Variants in ATL2 observed in about 807,000 individuals in gnomAD.
ATL2 encodes the protein atlastin GTPase 2, also known as atlastin-2.
ATL2 carries 31 observed loss-of-function variants against 73.9 expected under a neutral mutation model. That is an observed-to-expected ratio of 0.42 (90% CI 0.32 to 0.57). The LOEUF (loss-of-function observed/expected upper bound fraction) is 0.57, where lower values mean the gene tolerates loss of function less well. Ranked by LOEUF, ATL2 falls within the 20% of genes least tolerant of loss-of-function variation. ATL2 has a pLI of 0.14. For missense variants in ATL2, 738 were observed against 702.6 expected (o/e 1.05, Z -0.57); for synonymous variants, 291 against 237.5 (o/e 1.23, Z -2.07).
intron 2 of ATL2, among the ~76,000 whole-genome samples, chr2:38,334,771 A>G (rs1669207037): frequency 6.7e-6 from 1 of 148,802 alleles, no homozygotes; most frequent in Non-Finnish European, 1.5e-5. Context: ...AATAATATAA[A>G]ATTCAAATTA....
intron 1 of ATL2, chr2:38,354,186 A>G (rs1008000838): frequency 6.9e-6 from 3 of 435,384 alleles, no homozygotes; most frequent in Non-Finnish European, 1.4e-5. Flanking sequence ...CTCTGTCTCA[A>G]AAAAAAGCAA....
chr2:38,334,903 T>TTATAATATATAAATATATTTATA (rs1558423042), intron 2 of ATL2, among the ~76,000 whole-genome samples: 2 of 106,910 alleles, frequency 1.9e-5, no homozygotes, highest in African/African-American at 9.8e-5. Context: ...TATATATTAT[T>TTATAATATATAAATATATTTATA]TATAATATAT....
chr2:38,369,237 G>T (rs569360521), intron 1 of ATL2, among the ~76,000 whole-genome samples: 26 of 151,688 alleles, frequency 1.7e-4, no homozygotes, highest in African/African-American at 6.0e-4. Context: ...ATCACCTGAG[G>T]TCAGGAGTTC....
intron 10 of ATL2, among the ~76,000 whole-genome samples, chr2:38,299,550 T>C (rs1667078411): frequency 1.3e-5 from 2 of 152,160 alleles, no homozygotes; most frequent in African/African-American, 4.8e-5. Flanking sequence ...AGGTTGATGT[T>C]AAAGTGTGTC....
chr2:38,298,513 G>A lies in ATL2; in HGVS notation c.1263C>T (p.Leu421=). The A allele has an allele frequency of 1.9e-6, 3 of 1,614,166 alleles. No homozygotes were observed. The highest frequency in any genetic ancestry group is 2.5e-6 in the Non-Finnish European group (3 of 1,180,000). ...PSDLERKHLD[L]KEVAIKQFRS... ...GAAATTGTTTTATCGCCACTTCCTTGAGATCCAAGTGTTTTCGCTCCAGAT... is the reference window on the plus strand; with the variant it reads ...GAAATTGTTTTATCGCCACTTCCTTAAGATCCAAGTGTTTTCGCTCCAGAT... Residue 421 remains leucine, a synonymous_variant, in exon 12 of 13, where the codon CTC becomes CTT. Transcript: ENST00000378954.
chr2:38,345,939 C>T lies in ATL2; in HGVS notation c.119-2427G>A, dbSNP rs537822559. Reference sequence around the variant, plus strand: ...TCAATGAGTTGAAATATGTATGCTACGCAGTAAGCACCATAGGTGTAAGTT... The same window carrying T: ...TCAATGAGTTGAAATATGTATGCTATGCAGTAAGCACCATAGGTGTAAGTT... On this transcript the variant is annotated intron_variant, in intron 1 of 12. Coordinates refer to ENST00000378954, the MANE Select transcript of ATL2 (RefSeq NM_001135673.4). Among the ~76,000 whole-genome samples, 7 of 152,300 alleles carry T rather than the reference C, an allele frequency of 4.6e-5. No individual in the cohort carries two copies. In the South Asian group the frequency reaches 8.3e-4, roughly 18 times the overall value.
chr2:38,353,865 T>C (rs561145507), intron 1 of ATL2, among the ~76,000 whole-genome samples: 1 of 152,254 alleles, frequency 6.6e-6, no homozygotes, highest in East Asian at 1.9e-4. Flanking sequence ...AGTGAAACGA[T>C]CATTCAAAAA....
chr2:38,356,127 G>C (rs1349670308), intron 1 of ATL2, among the ~76,000 whole-genome samples: 1 of 151,904 alleles, frequency 6.6e-6, no homozygotes, highest in Non-Finnish European at 1.5e-5. Flanking sequence ...AGTTTTCTAA[G>C]TCACATTTAA....
intron 9 of ATL2, among the ~76,000 whole-genome samples, chr2:38,304,123 C>A (rs1268637143): frequency 6.6e-6 from 1 of 152,126 alleles, no homozygotes; most frequent in East Asian, 1.9e-4. Context: ...ACAACAACAA[C>A]AAGAAGCACG....
intron 9 of ATL2, 35 bp downstream of exon 9, chr2:38,309,344 C>T: frequency 6.4e-7 from 1 of 1,556,396 alleles, no homozygotes; most frequent in South Asian, 1.2e-5. Flanking sequence ...AACTACATTT[C>T]TATCTTAGAC....
intron 6 of ATL2, among the ~76,000 whole-genome samples, chr2:38,313,560 G>C (rs1667869840): frequency 6.6e-6 from 1 of 152,136 alleles, no homozygotes; most frequent in South Asian, 2.1e-4. Flanking sequence ...TTTAAATCAT[G>C]GTTGTGTAAC....
intron 1 of ATL2, among the ~76,000 whole-genome samples, chr2:38,354,494 T>C (rs1459878277): frequency 6.6e-6 from 1 of 152,156 alleles, no homozygotes; most frequent in Non-Finnish European, 1.5e-5. Flanking sequence ...TGGAAAGTGG[T>C]AAAACATTGA....
chr2:38,353,426 A>G (rs1372765502), intron 1 of ATL2, among the ~76,000 whole-genome samples: 1 of 152,220 alleles, frequency 6.6e-6, no homozygotes. Flanking sequence ...AAAAAAGAAT[A>G]AAGAAAAACT....
chr2:38,376,294 G>C, intron 1 of ATL2: 3 of 1,331,224 alleles, frequency 2.3e-6, no homozygotes, highest in Middle Eastern at 2.0e-4. Flanking sequence ...CGCTGCCAAC[G>C]CAACTGCGTC....
At chr2:38,330,446 A>T (rs1007886898) in intron 2 of ATL2, among the ~76,000 whole-genome samples, 1 of 152,290 alleles carries the variant, frequency 6.6e-6, no homozygotes, top group African/African-American at 2.4e-5. Flanking sequence ...TTCCCAGGTA[A>T]GAAAGAAAGA....
intron 1 of ATL2, among the ~76,000 whole-genome samples, chr2:38,360,259 C>CTTTTT (rs566192942): frequency 3.1e-4 from 42 of 135,402 alleles, no homozygotes; most frequent in African/African-American, 1.1e-3. Context: ...TCAGGGGATT[C>CTTTTT]TTTTTTTTTT....
rs780774440 is a variant in ATL2, at chr2:38,299,339, AAT to A, written c.1129-14_1129-13del. ...GCTTCAGCTGTTGCCTAAAAAATAAAATATGCCATTATTATGCAAAAAATACT... is the reference window on the plus strand; with the variant it reads ...GCTTCAGCTGTTGCCTAAAAAATAAAATGCCATTATTATGCAAAAAATACT... On this transcript the variant is annotated splice_polypyrimidine_tract_variant and intron_variant, in intron 10 of 12. Transcript: ENST00000378954. The A allele has an allele frequency of 3.3e-5, 50 of 1,518,786 alleles. No homozygotes were observed. Among genetic ancestry groups the A allele is most frequent in the Admixed American group, 8.0e-5 (3 of 37,688 alleles). The allele number at this position is 1,518,786 out of a possible 1,614,324, so 94.1% of individuals were successfully genotyped here.
chr2:38,298,046 C>A, intron 12 of ATL2, 98 bp downstream of exon 12: 1 of 1,148,434 alleles, frequency 8.7e-7, no homozygotes, highest in African/African-American at 1.6e-5. Context: ...TTTGACATTC[C>A]TCACATGAAG....
chr2:38,362,771 G>C (rs1317491016), intron 1 of ATL2, among the ~76,000 whole-genome samples: 1 of 152,172 alleles, frequency 6.6e-6, no homozygotes, highest in Admixed American at 6.5e-5. Context: ...CAGAGCAATA[G>C]AAAACATATG....
Sources: gnomAD v4.1 joint callset for allele counts (sites outside exome capture counted in the v4.1 genomes callset) on GRCh38, gnomAD v4.1.1 for gene constraint, MANE v1.5 for transcripts, NCBI Gene and HGNC (gene_info 2026-07-23, HGNC 2026-07-21) for gene names.